CSMD1: variants seen among roughly 807,000 people sequenced by gnomAD.
CSMD1 encodes CUB and sushi domain-containing protein 1.
In CSMD1, 213 loss-of-function variants were observed where a neutral mutation model predicts 417.5. The observed-to-expected ratio is 0.51, with a 90% CI of 0.46 to 0.57. The LOEUF (loss-of-function observed/expected upper bound fraction) is 0.57, where lower values mean the gene tolerates loss of function less well. Ranked by LOEUF, CSMD1 falls within the 20% of genes least tolerant of loss-of-function variation. The pLI is 0.00. For missense variants in CSMD1, 6,923 were observed against 4,529.7 expected (o/e 1.53, Z -15.17); for synonymous variants, 2,862 against 1,736.8 (o/e 1.65, Z -16.11).
At chr8:4,696,566 G>A (rs1400731613) in intron 1 of CSMD1, among the ~76,000 whole-genome samples, 2 of 152,182 alleles carry the variant, frequency 1.3e-5, no homozygotes, top group African/African-American at 4.8e-5. Context: ...GCTACAGAAT[G>A]ATATAGGAAT....
chr8:4,167,098 A>T (rs1232139852), intron 3 of CSMD1, among the ~76,000 whole-genome samples: 1 of 152,160 alleles, frequency 6.6e-6, no homozygotes, highest in Non-Finnish European at 1.5e-5. Context: ...ATAAATGTAA[A>T]ACCCTCAACT....
At chr8:2,994,016 T>TA (rs1289897760) in intron 54 of CSMD1, among the ~76,000 whole-genome samples, 2 of 146,616 alleles carry the variant, frequency 1.4e-5, no homozygotes, top group Non-Finnish European at 3.0e-5. Context: ...TAGCTGGACA[T>TA]ATTGGCACAA....
chr8:3,654,785 G>A (rs1223848791), intron 7 of CSMD1, among the ~76,000 whole-genome samples: 1 of 152,104 alleles, frequency 6.6e-6, no homozygotes, highest in African/African-American at 2.4e-5. Flanking sequence ...TGCTCCCACT[G>A]GGTCTACCAG....
At chr8:3,608,545 C>G (rs1219908240) in intron 8 of CSMD1, among the ~76,000 whole-genome samples, 1 of 151,914 alleles carries the variant, frequency 6.6e-6, no homozygotes, top group African/African-American at 2.4e-5. Context: ...GGGTGGATCA[C>G]GAGGTCAGGA....
chr8:3,879,325 T>C (rs781089978), intron 5 of CSMD1, among the ~76,000 whole-genome samples: 7 of 140,904 alleles, frequency 5.0e-5, no homozygotes, highest in East Asian at 2.0e-4. Flanking sequence ...CAAATCTAAA[T>C]CATTACAAGA....
chr8:4,894,782 CTTTTAA>C (rs763069989), intron 1 of CSMD1, among the ~76,000 whole-genome samples: 15 of 151,674 alleles, frequency 9.9e-5, no homozygotes, highest in Admixed American at 2.6e-4. Context: ...AATCTTCTGA[CTTTTAA>C]TTTTATTTCC....
intron 15 of CSMD1, 133 bp from the exon 16 acceptor site, chr8:3,399,662 T>C (rs1188174892): frequency 6.2e-6 from 4 of 643,250 alleles, no homozygotes; most frequent in Non-Finnish European, 9.7e-6. Context: ...GCAAATCTTA[T>C]TCCCAAGGAA....
Position 3,188,070 on chromosome 8 carries a change from ATATATACATATGTATATG to A in CSMD1, c.5524-123_5524-106del, listed in dbSNP as rs1796169997. ...TCATGATTAAGGTGTATATGTATAT[ATATATACATATGTATATG>A]TATATATATATACATATACACCTTA... On this transcript the variant is annotated intron_variant, in intron 35 of 69. Coordinates refer to ENST00000635120, the MANE Select transcript of CSMD1 (RefSeq NM_033225.6). The A allele has an allele frequency of 8.9e-6, 4 of 448,260 alleles. No individual in the cohort carries two copies. The South Asian group carries it at 1.2e-4, about 14-fold the overall frequency. The allele number at this position is 448,260 out of a possible 1,614,324, so 27.8% of individuals were successfully genotyped here.
intron 23 of CSMD1, among the ~76,000 whole-genome samples, chr8:3,340,963 C>T (rs576199664): frequency 1.4e-4 from 21 of 152,230 alleles, no homozygotes; most frequent in Admixed American, 9.2e-4. Flanking sequence ...TTTCTTTCTC[C>T]TATTTATAGA....
At chr8:3,813,251 A>G (rs1397140662) in intron 5 of CSMD1, among the ~76,000 whole-genome samples, 8 of 152,148 alleles carry the variant, frequency 5.3e-5, no homozygotes, top group Admixed American at 5.2e-4. Context: ...CATCATTAAG[A>G]TAGCAATCAA....
At chr8:4,840,225 G>A (rs575903274) in intron 1 of CSMD1, among the ~76,000 whole-genome samples, 9 of 16,736 alleles carry the variant, frequency 5.4e-4, no homozygotes, top group Non-Finnish European at 1.7e-3. Context: ...TCTTTCCTCT[G>A]CCACCATCAC....
rs1047231647 is a variant in CSMD1 at position 3,754,111 on chromosome 8, G to T, written c.819-69C>A. On this transcript the variant is annotated intron_variant, in intron 5 of 69. Transcript: ENST00000635120. The stretch of plus-strand genomic sequence containing the variant: ...AGAGCAAATGTCCTATATCAAACCC[G>T]CTTTGAAATCCGATTACTTAAATCC... The T allele has an allele frequency of 2.9e-5, 28 of 959,600 alleles. No individual in the cohort carries two copies. The East Asian group carries it at 4.9e-4, about 17-fold the overall frequency. The allele number at this position is 959,600 out of a possible 1,614,324, so 59.4% of individuals were successfully genotyped here. A position where few individuals can be genotyped will look rare whatever the true frequency, so the allele number is the denominator to read the frequency against.
At chr8:3,483,936 G>T (rs1290763001) in intron 11 of CSMD1, among the ~76,000 whole-genome samples, 2 of 152,106 alleles carry the variant, frequency 1.3e-5, no homozygotes, top group African/African-American at 4.8e-5. Context: ...CGATTCACAG[G>T]ACACATAGTG....
At chr8:4,050,528 A>C (rs141800846) in intron 3 of CSMD1, among the ~76,000 whole-genome samples, 90 of 152,222 alleles carry the variant, frequency 5.9e-4, no homozygotes, top group African/African-American at 2.1e-3. Flanking sequence ...TGGAGGGGTA[A>C]ATCTTTAAGC....
chr8:3,262,611 A>T (rs558484901), intron 26 of CSMD1, among the ~76,000 whole-genome samples: 14 of 152,156 alleles, frequency 9.2e-5, no homozygotes, highest in African/African-American at 3.4e-4. Context: ...GTGAAAGATT[A>T]TAGTCAGTGG....
intron 7 of CSMD1, among the ~76,000 whole-genome samples, chr8:3,691,840 T>C (rs562280576): frequency 3.2e-4 from 49 of 151,894 alleles, no homozygotes; most frequent in African/African-American, 1.1e-3. Flanking sequence ...TGAAAGAGAG[T>C]CTGTAACTTG....
intron 1 of CSMD1, among the ~76,000 whole-genome samples, chr8:4,800,412 T>G (rs1798215736): frequency 7.0e-6 from 1 of 142,306 alleles, no homozygotes. Context: ...TACTCCAGGC[T>G]GGGTGACAAG....
Position 3,413,020 on chromosome 8 carries a change from C to G in CSMD1, c.1562-3415G>C, listed in dbSNP as rs150658809. ...TTGGTTTTGAATCCCCCAGTGTTTG[C>G]TGGGCCACTGTGATCAATTTAGTCT... On this transcript the variant is annotated intron_variant, in intron 12 of 69. Coordinates refer to ENST00000635120, the MANE Select transcript of CSMD1 (RefSeq NM_033225.6). Among the ~76,000 whole-genome samples the G allele has an allele frequency of 5.3e-4, 81 of 152,300 alleles. 1 individual carries two copies. Among genetic ancestry groups the G allele is most frequent in the African/African-American group, 1.9e-3 (79 of 41,548 alleles).
intron 3 of CSMD1, among the ~76,000 whole-genome samples, chr8:4,070,225 T>C (rs986215988): frequency 1.3e-5 from 2 of 152,206 alleles, no homozygotes; most frequent in Non-Finnish European, 2.9e-5. Context: ...CTTTTCTTTT[T>C]GGTATGCTTA....
Sources: allele counts gnomAD v4.1 joint callset (sites outside exome capture counted in the v4.1 genomes callset), GRCh38; gene constraint gnomAD v4.1.1; transcripts MANE v1.5; gene names NCBI Gene and HGNC (gene_info 2026-07-23, HGNC 2026-07-21).